The following IPCEF1 variants were observed in gnomAD, a reference collection of about 807,000 sequenced individuals.
The protein encoded by IPCEF1 is interaction protein for cytohesin exchange factors 1.
IPCEF1 carries 31 observed loss-of-function variants against 50.9 expected under a neutral mutation model. The observed-to-expected ratio is 0.61, with a 90% CI of 0.46 to 0.82. The LOEUF is 0.82. Ranked by LOEUF, IPCEF1 falls within the 40% of genes least tolerant of loss-of-function variation. The pLI is 0.00. For synonymous variants in IPCEF1, 181 were observed against 192.0 expected (o/e 0.94, Z 0.47); for missense variants, 458 against 514.0 (o/e 0.89, Z 1.05).
chr6:154,325,498 G>A (rs1445289148), intron 1 of IPCEF1, among the ~76,000 whole-genome samples: 1 of 152,148 alleles, frequency 6.6e-6, no homozygotes, highest in African/African-American at 2.4e-5. Flanking sequence ...TATCTGTACT[G>A]TCTTTCCAAT....
chr6:154,283,327 T>G (rs1208817069), intron 2 of IPCEF1, among the ~76,000 whole-genome samples: 1 of 130,148 alleles, frequency 7.7e-6, no homozygotes, highest in Non-Finnish European at 1.6e-5. Flanking sequence ...CCGGGCACAG[T>G]GCCTCACACC....
chr6:154,189,207 C>A (rs1276539103), intron 10 of IPCEF1, among the ~76,000 whole-genome samples: 2 of 152,172 alleles, frequency 1.3e-5, no homozygotes, highest in East Asian at 1.9e-4. Flanking sequence ...AAGATTACCA[C>A]CTGCCAATTT....
chr6:154,318,044 A>G (rs1374054290), intron 1 of IPCEF1, among the ~76,000 whole-genome samples: 4 of 152,230 alleles, frequency 2.6e-5, no homozygotes, highest in Non-Finnish European at 5.9e-5. Context: ...AAGAGCATAG[A>G]TTAATCTCAC....
intron 1 of IPCEF1, among the ~76,000 whole-genome samples, chr6:154,352,758 T>A (rs1445773029): frequency 6.6e-6 from 1 of 152,204 alleles, no homozygotes; most frequent in Non-Finnish European, 1.5e-5. Flanking sequence ...GGGCCAAGAT[T>A]CTAACAACAG....
At chr6:154,321,603 C>T (rs1214740391) in intron 1 of IPCEF1, among the ~76,000 whole-genome samples, 1 of 151,666 alleles carries the variant, frequency 6.6e-6, no homozygotes, top group African/African-American at 2.4e-5. Flanking sequence ...AATGGTGAAA[C>T]CCCATCTTTA....
intron 2 of IPCEF1, among the ~76,000 whole-genome samples, chr6:154,273,728 T>C (rs56370694): frequency 0.079 from 1,437 of 18,280 alleles, 101 homozygotes; most frequent in East Asian, 0.26. Flanking sequence ...TTCTTTCTTT[T>C]TTTTTTTTTT....
At chr6:154,247,163 C>T (rs1276302684) in intron 4 of IPCEF1, 2 of 443,032 alleles carry the variant, frequency 4.5e-6, no homozygotes, top group Non-Finnish European at 8.1e-6. Context: ...CGTAGTTATG[C>T]AATAGATGTT....
chr6:154,332,656 G>C (rs1783700418), intron 1 of IPCEF1, among the ~76,000 whole-genome samples: 1 of 152,140 alleles, frequency 6.6e-6, no homozygotes, highest in Non-Finnish European at 1.5e-5. Context: ...CTAATTAAGA[G>C]TGCTCTCTCC....
At chr6:154,203,813 C>T (rs1324538704) in intron 9 of IPCEF1, among the ~76,000 whole-genome samples, 1 of 152,132 alleles carries the variant, frequency 6.6e-6, no homozygotes, top group Non-Finnish European at 1.5e-5. Flanking sequence ...AAAGAATTGG[C>T]CAGAACCAGC....
chr6:154,165,534 G>A lies in IPCEF1; in HGVS notation c.1104+2386C>T, dbSNP rs1456151887. Among the ~76,000 whole-genome samples, 7 of 152,252 alleles carry A rather than the reference G, an allele frequency of 4.6e-5. No individual in the cohort carries two copies. In the South Asian group the frequency reaches 1.2e-3, roughly 27 times the overall value. Reference sequence around the variant, plus strand: ...AATAGGACTGCATGACATGGGTCCTGTTCTATTTCATCAGCCCCAAGCACT... The same window carrying A: ...AATAGGACTGCATGACATGGGTCCTATTCTATTTCATCAGCCCCAAGCACT... On this transcript the variant is annotated intron_variant, in intron 11 of 11. Transcript: ENST00000367220.
intron 5 of IPCEF1, among the ~76,000 whole-genome samples, chr6:154,231,452 T>C (rs1466986690): frequency 6.6e-6 from 1 of 152,246 alleles, no homozygotes; most frequent in East Asian, 1.9e-4. Context: ...CATTGCAGCA[T>C]TGTTTGTATT....
chr6:154,196,836 C>T (rs1562535579), intron 10 of IPCEF1, among the ~76,000 whole-genome samples: 1 of 152,082 alleles, frequency 6.6e-6, no homozygotes, highest in Non-Finnish European at 1.5e-5. Context: ...CAATTAACAC[C>T]CTGATTTTAT....
At chr6:154,318,428 T>C (rs1319187009) in intron 1 of IPCEF1, among the ~76,000 whole-genome samples, 1 of 152,148 alleles carries the variant, frequency 6.6e-6, no homozygotes, top group Non-Finnish European at 1.5e-5. Flanking sequence ...GAAGGAATAA[T>C]GTAGGGTAGG....
intron 3 of IPCEF1, among the ~76,000 whole-genome samples, chr6:154,261,688 A>G (rs1037298363): frequency 6.6e-6 from 1 of 152,154 alleles, no homozygotes; most frequent in Non-Finnish European, 1.5e-5. Context: ...CACATAATAA[A>G]ATTTCAAATA....
In IPCEF1 at chr6:154,168,053, G is replaced by A; in HGVS notation, c.971C>T (p.Ala324Val). ...TCGGTCCCCAAGAGGAGATAGACTAGCTTGCTCTAATGATTTGTACAGCTT... is the reference window on the plus strand; with the variant it reads ...TCGGTCCCCAAGAGGAGATAGACTAACTTGCTCTAATGATTTGTACAGCTT... The part of the protein sequence containing the change: ...MEKLYKSLEQ[A>V]SLSPLGDRRP... Residue 324 changes from alanine to valine, a missense_variant, in exon 11 of 12, where the codon GCT (alanine) becomes GTT (valine). Transcript: ENST00000367220. The surrounding 1 kb of genome is among the most constrained non-coding windows in gnomAD (Gnocchi z 4.1). 1 of 1,607,824 alleles carries A rather than the reference G, an allele frequency of 6.2e-7. No individual in the cohort carries two copies. Among genetic ancestry groups the A allele is most frequent in the Non-Finnish European group, 8.5e-7 (1 of 1,175,356 alleles).
At chr6:154,173,187 G>A (rs12216156) in intron 10 of IPCEF1, among the ~76,000 whole-genome samples, 23,100 of 152,114 alleles carry the variant, frequency 0.15, 2,041 homozygotes, top group East Asian at 0.41. Context: ...AAGACCAAAG[G>A]TAGATAAAAC....
chr6:154,316,205 G>A (rs957013060), intron 1 of IPCEF1, among the ~76,000 whole-genome samples: 1 of 152,112 alleles, frequency 6.6e-6, no homozygotes, highest in Non-Finnish European at 1.5e-5. Context: ...CTGTAAAATT[G>A]GGTTGCCATT....
intron 1 of IPCEF1, among the ~76,000 whole-genome samples, chr6:154,316,351 G>T (rs1021791713): frequency 6.6e-6 from 1 of 152,132 alleles, no homozygotes; most frequent in African/African-American, 2.4e-5. Context: ...ACTTTATTGT[G>T]ATACTTACTT....
intron 1 of IPCEF1, among the ~76,000 whole-genome samples, chr6:154,345,218 T>C (rs1456029674): frequency 5.3e-5 from 8 of 152,366 alleles, no homozygotes; most frequent in South Asian, 2.1e-4. Context: ...TCACTGTAAA[T>C]TAGTAAGATA....
Sources: gnomAD v4.1 joint callset for allele counts (sites outside exome capture counted in the v4.1 genomes callset) on GRCh38, gnomAD v4.1.1 for gene constraint, Gnocchi (gnomAD v3.1) non-coding constraint, MANE v1.5 for transcripts, NCBI Gene and HGNC (gene_info 2026-07-23, HGNC 2026-07-21) for gene names.